Variants in EP300 observed in about 807,000 individuals in gnomAD.
The protein encoded by EP300 is EP300 lysine acetyltransferase.
EP300 carries 31 observed loss-of-function variants against 264.0 expected under a neutral mutation model. That is an observed-to-expected ratio of 0.12 (90% CI 0.09 to 0.16). EP300 has a LOEUF of 0.16. Among genes scored for constraint, EP300 ranks in the 10% least tolerant of loss-of-function variants. EP300 has a pLI of 1.00. For missense variants in EP300, 2,766 were observed against 3,052.9 expected, an observed-to-expected ratio of 0.91 and a Z score of 2.21; for synonymous variants, 1,340 against 1,045.4, an observed-to-expected ratio of 1.28 and a Z score of -5.44.
intron 1 of EP300, among the ~76,000 whole-genome samples, chr22:41,116,456 T>TG (rs1395216372): frequency 6.6e-6 from 1 of 152,158 alleles, no homozygotes; most frequent in African/African-American, 2.4e-5. Flanking sequence ...AGTGAGAACA[T>TG]GCGGTGTTTA....
rs1408670312 is a variant in EP300 at position 41,179,025 on chromosome 22, A to C, written c.*69A>C. 3.8e-6 allele frequency: 6 copies of C among 1,576,372 alleles called. No homozygotes were observed. The East Asian group carries it at 9.0e-5, about 24-fold the overall frequency. ...TAACAAGACTTTTTGTACTGAAAAC[A>C]ATTTTTTTGAATCTTTCGTAGCCTA... On this transcript the variant is annotated 3_prime_UTR_variant, in exon 31 of 31. Coordinates refer to ENST00000263253, the MANE Select transcript of EP300 (RefSeq NM_001429.4).
At chr22:41,172,418 C>G (rs1439806477) in intron 27 of EP300, 81 bp from the exon 28 acceptor site, 1 of 1,289,082 alleles carries the variant, frequency 7.8e-7, no homozygotes, top group Non-Finnish European at 1.1e-6. Context: ...TTTCATGTTT[C>G]TTGTCAGCCA....
At chr22:41,127,287 C>T (rs781623726) in intron 3 of EP300, among the ~76,000 whole-genome samples, 200 bp from the exon 4 acceptor site, 1 of 151,984 alleles carries the variant, frequency 6.6e-6, no homozygotes, top group Admixed American at 6.6e-5. Flanking sequence ...TATATCACTT[C>T]GTAATGTCAT....
In EP300 at chr22:41,170,589, G is replaced by A. The variant is rs548353389; in HGVS notation, c.4452+18G>A. Reference sequence around the variant, plus strand: ...ACTACAAGGTCAGTTGGGACATAGGGGCCAGGTGCTGACAATAGATCTGGA... The same window carrying A: ...ACTACAAGGTCAGTTGGGACATAGGAGCCAGGTGCTGACAATAGATCTGGA... On this transcript the variant is annotated intron_variant, in intron 27 of 30. Transcript: ENST00000263253. The A allele has an allele frequency of 1.2e-6, 2 of 1,613,170 alleles. No individual in the cohort carries two copies. The highest frequency in any genetic ancestry group is 3.3e-5 in the Admixed American group (2 of 59,984).
At chr22:41,161,388 C>T (rs1036473378) in intron 20 of EP300, among the ~76,000 whole-genome samples, 10 of 152,082 alleles carry the variant, frequency 6.6e-5, no homozygotes, top group Non-Finnish European at 1.2e-4. Flanking sequence ...GAGGCCAAGG[C>T]GGGCGGATCA....
At chr22:41,120,816 T>C (rs2058848177) in intron 2 of EP300, among the ~76,000 whole-genome samples, 1 of 152,198 alleles carries the variant, frequency 6.6e-6, no homozygotes, top group Non-Finnish European at 1.5e-5. Context: ...TCTCCCAGGC[T>C]TACGCGATCC....
intron 1 of EP300, among the ~76,000 whole-genome samples, chr22:41,110,373 A>G (rs5751046): frequency 0.3 from 38,446 of 126,528 alleles, 6,157 homozygotes; most frequent in East Asian, 0.56. Context: ...TGTCATTGCA[A>G]CCTCCACCTC....
intron 20 of EP300, among the ~76,000 whole-genome samples, chr22:41,161,548 T>G (rs1280488415): frequency 6.6e-6 from 1 of 151,612 alleles, no homozygotes; most frequent in Admixed American, 6.6e-5. Context: ...ACCCGGGAGG[T>G]GGAGCTTGCA....
chr22:41,144,378 TG>T (rs1282160657), intron 10 of EP300, among the ~76,000 whole-genome samples: 12 of 152,108 alleles, frequency 7.9e-5, no homozygotes, highest in African/African-American at 2.9e-4. Flanking sequence ...ATTTTTGAGA[TG>T]GGGTCTGTTT....
At chr22:41,107,249 G>A (rs769098536) in intron 1 of EP300, among the ~76,000 whole-genome samples, 49 of 152,280 alleles carry the variant, frequency 3.2e-4, no homozygotes, top group Admixed American at 1.6e-3. Flanking sequence ...AGGAGGAGCA[G>A]TAGATGGATT....
At chr22:41,125,541 C>T (rs2058876846) in intron 2 of EP300, among the ~76,000 whole-genome samples, 1 of 152,006 alleles carries the variant, frequency 6.6e-6, no homozygotes, top group African/African-American at 2.4e-5. Flanking sequence ...GGTGGGATTA[C>T]AGGTATGAGT....
At chr22:41,114,878 G>T (rs1041523624) in intron 1 of EP300, among the ~76,000 whole-genome samples, 3 of 151,680 alleles carry the variant, frequency 2.0e-5, no homozygotes, top group Admixed American at 6.6e-5. Context: ...GTTATACTTA[G>T]GAACTAAGAT....
chr22:41,106,953 C>T (rs2058761281), intron 1 of EP300, among the ~76,000 whole-genome samples: 1 of 152,112 alleles, frequency 6.6e-6, no homozygotes, highest in Admixed American at 6.6e-5. Flanking sequence ...GTCACCCAGG[C>T]TGGAGTGCAG....
intron 17 of EP300, among the ~76,000 whole-genome samples, chr22:41,156,467 TC>T (rs770014450): frequency 1.3e-5 from 2 of 152,158 alleles, no homozygotes; most frequent in Non-Finnish European, 2.9e-5. Context: ...ACGCCTGTAA[TC>T]CCAACACTTT....
chr22:41,173,933 G>A, intron 29 of EP300, 149 bp downstream of exon 29: 1 of 902,518 alleles, frequency 1.1e-6, no homozygotes, highest in Non-Finnish European at 1.8e-6. Flanking sequence ...CCAACACGGT[G>A]AAACCTTGCT....
chr22:41,094,571 T>TA (rs2058691818), intron 1 of EP300, among the ~76,000 whole-genome samples: 2 of 152,230 alleles, frequency 1.3e-5, no homozygotes, highest in Admixed American at 1.3e-4. Flanking sequence ...GGGATTTTTT[T>TA]AGCTGGTTTT....
intron 2 of EP300, among the ~76,000 whole-genome samples, 176 bp from the exon 3 acceptor site, chr22:41,125,688 A>AT (rs2058877797): frequency 6.6e-6 from 1 of 152,238 alleles, no homozygotes; most frequent in South Asian, 2.1e-4. Flanking sequence ...AGATTTTTGT[A>AT]TTTTTTAGTA....
intron 2 of EP300, among the ~76,000 whole-genome samples, chr22:41,119,396 A>AAAT: frequency 6.6e-6 from 1 of 152,006 alleles, no homozygotes; most frequent in Non-Finnish European, 1.5e-5. Context: ...AACAAGGTAA[A>AAAT]TTATTAAGTA....
chr22:41,174,401 ACT>A (rs201288892), intron 29 of EP300, among the ~76,000 whole-genome samples: 50 of 152,268 alleles, frequency 3.3e-4, no homozygotes, highest in Non-Finnish European at 4.3e-4. Context: ...ACAGAACGAG[ACT>A]CTGTTTCAAA....
Sources: gnomAD v4.1 joint callset for allele counts (sites outside exome capture counted in the v4.1 genomes callset) on GRCh38, gnomAD v4.1.1 for gene constraint, MANE v1.5 for transcripts, NCBI Gene and HGNC (gene_info 2026-07-23, HGNC 2026-07-21) for gene names.